SLCO6A1: variants seen among roughly 807,000 people sequenced by gnomAD.
SLCO6A1 encodes solute carrier organic anion transporter family member 6A1.
In SLCO6A1, 65 loss-of-function variants were observed where a neutral mutation model predicts 72.7. That is an observed-to-expected ratio of 0.89 (90% CI 0.73 to 1.10). The LOEUF is 1.10. SLCO6A1 is among the 50% of genes least tolerant of loss of function. The pLI is 0.00. For synonymous variants in SLCO6A1, 314 were observed against 298.2 expected, an observed-to-expected ratio of 1.05 and a Z score of -0.55; for missense variants, 874 against 872.6, an observed-to-expected ratio of 1.00 and a Z score of -0.02.
intron 9 of SLCO6A1, among the ~76,000 whole-genome samples, chr5:102,408,462 A>G (rs557783060): frequency 6.6e-6 from 1 of 152,296 alleles, no homozygotes; most frequent in East Asian, 1.9e-4. Context: ...ACTCTGTGAA[A>G]CCCAAGCAAA....
intron 4 of SLCO6A1, among the ~76,000 whole-genome samples, chr5:102,473,038 C>T (rs568842301): frequency 5.3e-5 from 8 of 151,982 alleles, no homozygotes; most frequent in African/African-American, 1.9e-4. Context: ...ACTGGAGAAC[C>T]GTACCAAATA....
chr5:102,419,736 T>C (rs1748482808), intron 8 of SLCO6A1, 90 bp downstream of exon 8: 7 of 1,010,446 alleles, frequency 6.9e-6, no homozygotes, highest in Non-Finnish European at 1.0e-5. Context: ...TATGAACATA[T>C]AAGGGTTACT....
At chr5:102,410,242 C>T (rs1317709349) in intron 9 of SLCO6A1, among the ~76,000 whole-genome samples, 1 of 152,050 alleles carries the variant, frequency 6.6e-6, no homozygotes, top group African/African-American at 2.4e-5. Context: ...AGGGTTGCTC[C>T]TCTCTGCAAC....
chr5:102,452,601 A>C (rs1387466192), intron 6 of SLCO6A1, among the ~76,000 whole-genome samples: 1 of 152,152 alleles, frequency 6.6e-6, no homozygotes, highest in Non-Finnish European at 1.5e-5. Context: ...AAAACTATTA[A>C]AATTACTGAC....
intron 6 of SLCO6A1, among the ~76,000 whole-genome samples, chr5:102,440,081 G>A (rs1749749733): frequency 6.6e-6 from 1 of 152,168 alleles, no homozygotes; most frequent in African/African-American, 2.4e-5. Flanking sequence ...TTGGGACTCA[G>A]TCACCATGTT....
chr5:102,420,170 C>T, intron 7 of SLCO6A1, 149 bp from the exon 8 acceptor site: 1 of 720,298 alleles, frequency 1.4e-6, no homozygotes, highest in Non-Finnish European at 2.1e-6. Context: ...TGCTAAATAG[C>T]TTGACGAACC....
At chr5:102,434,032 G>C (rs1165350979) in intron 7 of SLCO6A1, among the ~76,000 whole-genome samples, 1 of 151,860 alleles carries the variant, frequency 6.6e-6, no homozygotes, top group Non-Finnish European at 1.5e-5. Context: ...CCTCTTGTTA[G>C]TAACATATAT....
At chr5:102,496,589 A>G (rs1355736537) in intron 1 of SLCO6A1, among the ~76,000 whole-genome samples, 1 of 152,168 alleles carries the variant, frequency 6.6e-6, no homozygotes, top group Non-Finnish European at 1.5e-5. Context: ...TCATGACCCA[A>G]CATAGTGGGA....
Position 102,414,911 on chromosome 5 carries a change from A to G in SLCO6A1, c.1473-1768T>C, listed in dbSNP as rs199811146. Among the ~76,000 whole-genome samples the G allele has an allele frequency of 3.8e-3, 154 of 40,890 alleles. 3 individuals are homozygous for G. The South Asian group carries it at 0.067, about 18-fold the overall frequency. 26.8% of individuals were successfully genotyped at this position (40,890 alleles called of 152,430 possible). A position where few individuals can be genotyped will look rare whatever the true frequency, so the allele number is the denominator to read the frequency against. The stretch of plus-strand genomic sequence containing the variant: ...ACTCCATCTCAAAGTAAGTAAGTAA[A>G]TAAATAAATAAATAAATAAATAAAT... On this transcript the variant is annotated intron_variant, in intron 8 of 13. Coordinates refer to ENST00000506729, the MANE Select transcript of SLCO6A1 (RefSeq NM_173488.5).
At chr5:102,487,197 T>A (rs770037399) in intron 1 of SLCO6A1, among the ~76,000 whole-genome samples, 14 of 152,222 alleles carry the variant, frequency 9.2e-5, no homozygotes, top group Non-Finnish European at 2.1e-4. Context: ...ATGTGTTATC[T>A]TTTTCAGCTG....
At chr5:102,419,434 T>G (rs1748465938) in intron 8 of SLCO6A1, among the ~76,000 whole-genome samples, 1 of 152,184 alleles carries the variant, frequency 6.6e-6, no homozygotes, top group South Asian at 2.1e-4. Flanking sequence ...ATGCATACCT[T>G]CAGATGAACT....
In SLCO6A1 at chr5:102,436,411, C is replaced by G. The variant is rs80039928; in HGVS notation, c.1276+2206G>C. Among the ~76,000 whole-genome samples, 1,236 of 152,272 alleles carry G rather than the reference C, an allele frequency of 8.1e-3. 12 individuals carry two copies. Among genetic ancestry groups the G allele is most frequent in the Non-Finnish European group, 0.015 (1,008 of 68,022 alleles). ...CTGGGGGACTATGCAAATGGATTCA[C>G]AATGCTCAATTACTCTGGAAGTCAA... On this transcript the variant is annotated intron_variant, in intron 7 of 13. Coordinates refer to ENST00000506729, the MANE Select transcript of SLCO6A1 (RefSeq NM_173488.5).
intron 9 of SLCO6A1, among the ~76,000 whole-genome samples, chr5:102,403,986 G>C (rs187026673): frequency 1.4e-3 from 208 of 151,744 alleles, no homozygotes; most frequent in African/African-American, 4.9e-3. Context: ...AGTCATCTCT[G>C]AAAGGTTTAT....
intron 6 of SLCO6A1, among the ~76,000 whole-genome samples, chr5:102,451,658 G>A (rs952853199): frequency 1.1e-4 from 17 of 152,182 alleles, no homozygotes; most frequent in Non-Finnish European, 7.3e-5. Flanking sequence ...CTCACTTGCT[G>A]TTTCCCCTCC....
Position 102,476,045 on chromosome 5 carries a change from G to A in SLCO6A1, c.803-252C>T, listed in dbSNP as rs113270233. Reference sequence around the variant, plus strand: ...CATAAGAATGATATAATGGACTTTGGGGACCAGGGGGTAATGGTGAGAGGT... The same window carrying A: ...CATAAGAATGATATAATGGACTTTGAGGACCAGGGGGTAATGGTGAGAGGT... On this transcript the variant is annotated intron_variant, in intron 3 of 13. Coordinates refer to ENST00000506729, the MANE Select transcript of SLCO6A1 (RefSeq NM_173488.5). Among the ~76,000 whole-genome samples, 317 of 152,132 alleles carry A rather than the reference G, an allele frequency of 2.1e-3. 3 individuals carry two copies. The highest frequency in any genetic ancestry group is 7.3e-3 in the African/African-American group (302 of 41,506).
At chr5:102,450,595 G>A (rs1445784043) in intron 6 of SLCO6A1, among the ~76,000 whole-genome samples, 1 of 152,184 alleles carries the variant, frequency 6.6e-6, no homozygotes, top group Non-Finnish European at 1.5e-5. Flanking sequence ...GCATTTCCGG[G>A]CTGCGCATCA....
intron 7 of SLCO6A1, among the ~76,000 whole-genome samples, chr5:102,429,250 A>T (rs1421654732): frequency 6.6e-6 from 1 of 152,030 alleles, no homozygotes; most frequent in Non-Finnish European, 1.5e-5. Flanking sequence ...CATTCTGTAG[A>T]TTGTCTAGTT....
rs376559472 is a variant in SLCO6A1 at position 102,413,160 on chromosome 5, G to A, written c.1473-17C>T. Reference sequence around the variant, plus strand: ...TTCCCTGTTCTGTAAAAACAAGATTGAATGTAATCATATTACCATTGTTTT... The same window carrying A: ...TTCCCTGTTCTGTAAAAACAAGATTAAATGTAATCATATTACCATTGTTTT... On this transcript the variant is annotated splice_polypyrimidine_tract_variant and intron_variant, in intron 8 of 13. Transcript: ENST00000506729. The A allele has an allele frequency of 6.7e-5, 104 of 1,543,086 alleles. No individual in the cohort carries two copies. Among genetic ancestry groups the A allele is most frequent in the Non-Finnish European group, 8.7e-5 (100 of 1,154,294 alleles).
chr5:102,408,020 G>A (rs1747764196), intron 9 of SLCO6A1, among the ~76,000 whole-genome samples: 1 of 152,048 alleles, frequency 6.6e-6, no homozygotes, highest in Non-Finnish European at 1.5e-5. Context: ...TAAAATTGTG[G>A]TACAATAATC....
Sources: gnomAD v4.1 joint callset for allele counts (sites outside exome capture counted in the v4.1 genomes callset) on GRCh38, gnomAD v4.1.1 for gene constraint, MANE v1.5 for transcripts, NCBI Gene and HGNC (gene_info 2026-07-23, HGNC 2026-07-21) for gene names.